Variants in NRG3 observed in about 807,000 individuals in gnomAD.
The protein encoded by NRG3 is neuregulin 3, also known as pro-neuregulin-3, membrane-bound isoform.
In NRG3, 31 loss-of-function variants were observed where a neutral mutation model predicts 66.9. That is an observed-to-expected ratio of 0.46 (90% CI 0.35 to 0.63). NRG3 has a LOEUF of 0.63. Ranked by LOEUF, NRG3 falls within the 20% of genes least tolerant of loss-of-function variation. The probability of loss-of-function intolerance (pLI) is 0.00; values close to 1 mark genes in which losing one functional copy is unlikely to be tolerated. For missense variants in NRG3, 910 were observed against 878.9 expected (o/e 1.04, Z -0.45); for synonymous variants, 393 against 359.4 (o/e 1.09, Z -1.06).
intron 1 of NRG3, among the ~76,000 whole-genome samples, chr10:81,881,587 C>T (rs1842184610): frequency 6.6e-6 from 1 of 152,108 alleles, no homozygotes; most frequent in Admixed American, 6.6e-5. Flanking sequence ...ATATATGTCA[C>T]ATGTTTCAAA....
At chr10:82,565,695 A>G (rs74923712) in intron 2 of NRG3, among the ~76,000 whole-genome samples, 2,768 of 152,114 alleles carry the variant, frequency 0.018, 31 homozygotes, top group Middle Eastern at 0.068. Context: ...GAATGCTGGG[A>G]AAGTCATTGA....
At chr10:82,292,806 G>T (rs2079823713) in intron 1 of NRG3, among the ~76,000 whole-genome samples, 1 of 152,138 alleles carries the variant, frequency 6.6e-6, no homozygotes, top group Non-Finnish European at 1.5e-5. Flanking sequence ...TATAGAAATG[G>T]AAAACAATGT....
At chr10:82,484,589 A>T (rs527303265) in intron 2 of NRG3, among the ~76,000 whole-genome samples, 115 of 152,342 alleles carry the variant, frequency 7.5e-4, no homozygotes, top group African/African-American at 2.6e-3. Flanking sequence ...CATTAATTAC[A>T]TCTACAAATT....
At chr10:82,699,739 C>T (rs892175870) in intron 2 of NRG3, among the ~76,000 whole-genome samples, 1 of 152,076 alleles carries the variant, frequency 6.6e-6, no homozygotes, top group Admixed American at 6.6e-5. Context: ...CTCTCCCACC[C>T]CTATGGTCCA....
At chr10:82,346,261 GT>G (rs1460651477) in intron 1 of NRG3, among the ~76,000 whole-genome samples, 1 of 150,336 alleles carries the variant, frequency 6.7e-6, no homozygotes, top group Non-Finnish European at 1.5e-5. Context: ...TTTATTGAGA[GT>G]TTTTAGCATG....
At chr10:82,023,562 A>G (rs1194898676) in intron 1 of NRG3, among the ~76,000 whole-genome samples, 2 of 152,096 alleles carry the variant, frequency 1.3e-5, no homozygotes, top group Non-Finnish European at 2.9e-5. Flanking sequence ...AGTTTTCATC[A>G]TAAATGGATG....
intron 4 of NRG3, among the ~76,000 whole-genome samples, chr10:82,907,193 G>C (rs577995735): frequency 2.0e-5 from 3 of 152,228 alleles, no homozygotes; most frequent in African/African-American, 7.2e-5. Flanking sequence ...ACTCTTTGCT[G>C]TCTTCACTGA....
At chr10:82,259,836 C>T (rs7918990) in intron 1 of NRG3, among the ~76,000 whole-genome samples, 16,689 of 151,848 alleles carry the variant, frequency 0.11, 1,947 homozygotes, top group African/African-American at 0.28. Flanking sequence ...GGAGGCTGAG[C>T]GGGGAGGATC....
chr10:82,315,729 C>G (rs1037941124), intron 1 of NRG3, among the ~76,000 whole-genome samples: 1 of 151,020 alleles, frequency 6.6e-6, no homozygotes, highest in African/African-American at 2.4e-5. Flanking sequence ...GCAGTGGCAC[C>G]GTGTCGGCTC....
At chr10:82,375,360 AC>A (rs1233528534) in intron 2 of NRG3, among the ~76,000 whole-genome samples, 1 of 151,894 alleles carries the variant, frequency 6.6e-6, no homozygotes, top group African/African-American at 2.4e-5. Flanking sequence ...ACACGGTAAA[AC>A]CCCGTCTCTA....
At chr10:82,461,371 C>T (rs1253956006) in intron 2 of NRG3, among the ~76,000 whole-genome samples, 1 of 152,148 alleles carries the variant, frequency 6.6e-6, no homozygotes, top group African/African-American at 2.4e-5. Context: ...TCACCACCAG[C>T]ACCCACCATT....
chr10:82,450,066 T>G (rs1164738590), intron 2 of NRG3, among the ~76,000 whole-genome samples: 2 of 152,200 alleles, frequency 1.3e-5, no homozygotes, highest in Non-Finnish European at 2.9e-5. Context: ...TGTAGAAAAA[T>G]AAGTTTGAGA....
chr10:82,626,122 C>G (rs1049018822), intron 2 of NRG3, among the ~76,000 whole-genome samples: 4 of 152,084 alleles, frequency 2.6e-5, no homozygotes, highest in African/African-American at 7.2e-5. Context: ...TCATCATTAC[C>G]CATTCACTCA....
chr10:82,959,237 C>T (rs1850374043), intron 6 of NRG3, among the ~76,000 whole-genome samples, 162 bp downstream of exon 6: 1 of 152,144 alleles, frequency 6.6e-6, no homozygotes, highest in Non-Finnish European at 1.5e-5. Flanking sequence ...TGCACACATG[C>T]ATGTATGTAT....
At chr10:82,684,744 G>A (rs1387575487) in intron 2 of NRG3, among the ~76,000 whole-genome samples, 1 of 152,136 alleles carries the variant, frequency 6.6e-6, no homozygotes, top group Non-Finnish European at 1.5e-5. Context: ...GGCAAGAGAT[G>A]CTGTAGAAAG....
chr10:82,390,840 A>G (rs1384058781), intron 2 of NRG3, among the ~76,000 whole-genome samples: 2 of 152,170 alleles, frequency 1.3e-5, no homozygotes, highest in African/African-American at 4.8e-5. Flanking sequence ...GGCAGAAGAG[A>G]GCATGGTGAA....
intron 1 of NRG3, among the ~76,000 whole-genome samples, chr10:82,299,550 T>TTG (rs34645750): frequency 2.0e-4 from 9 of 44,422 alleles, no homozygotes; most frequent in Admixed American, 1.9e-3. Flanking sequence ...TCCAGCCCTG[T>TTG]TTTTTTTTTT....
intron 2 of NRG3, among the ~76,000 whole-genome samples, chr10:82,598,958 G>A (rs576519647): frequency 6.6e-5 from 10 of 152,136 alleles, no homozygotes; most frequent in African/African-American, 2.4e-4. Flanking sequence ...CCTGAGGCAG[G>A]AGAATTGCTT....
intron 2 of NRG3, among the ~76,000 whole-genome samples, chr10:82,526,253 C>T (rs533749641): frequency 2.0e-4 from 30 of 151,310 alleles, no homozygotes; most frequent in African/African-American, 7.3e-4. Flanking sequence ...TGCTGCATAC[C>T]TTAAATATAC....
Sources: allele counts gnomAD v4.1 joint callset (sites outside exome capture counted in the v4.1 genomes callset), GRCh38; gene constraint gnomAD v4.1.1; transcripts MANE v1.5; gene names NCBI Gene and HGNC (gene_info 2026-07-23, HGNC 2026-07-21).